Variants in CALCR observed in about 807,000 individuals in gnomAD.
CALCR encodes the protein calcitonin receptor.
A neutral mutation model predicts 59.5 loss-of-function variants in CALCR; 47 were observed. The ratio of observed to expected loss-of-function variants is 0.79; its 90% CI spans 0.63 to 1.01. The LOEUF (loss-of-function observed/expected upper bound fraction) is 1.01. Among genes scored for constraint, CALCR ranks in the 50% least tolerant of loss-of-function variants. The pLI is 0.00. For missense variants in CALCR, 566 were observed against 597.1 expected (o/e 0.95, Z 0.54); for synonymous variants, 213 against 211.3 (o/e 1.01, Z -0.07).
intron 2 of CALCR, among the ~76,000 whole-genome samples, chr7:93,524,563 T>C (rs993773197): frequency 1.3e-5 from 2 of 152,150 alleles, no homozygotes; most frequent in African/African-American, 4.8e-5. Context: ...ATTTTATTAT[T>C]AGCTTAATTT....
chr7:93,520,116 G>A (rs1801730878), intron 2 of CALCR, among the ~76,000 whole-genome samples: 1 of 151,872 alleles, frequency 6.6e-6, no homozygotes, highest in Admixed American at 6.6e-5. Context: ...AAATATCAGA[G>A]TTGCAAATAT....
chr7:93,515,273 G>T (rs1423679658), intron 2 of CALCR, among the ~76,000 whole-genome samples: 1 of 151,962 alleles, frequency 6.6e-6, no homozygotes, highest in Non-Finnish European at 1.5e-5. Flanking sequence ...CAGAAAATTT[G>T]TAGGAGTTCT....
intron 8 of CALCR, among the ~76,000 whole-genome samples, chr7:93,454,557 T>C (rs185092363): frequency 2.0e-5 from 3 of 151,874 alleles, no homozygotes; most frequent in Non-Finnish European, 4.4e-5. Context: ...GCAAGAACAA[T>C]GCTTTTAATT....
At chr7:93,498,538 CTT>C (rs928467071) in intron 2 of CALCR, among the ~76,000 whole-genome samples, 4 of 151,614 alleles carry the variant, frequency 2.6e-5, no homozygotes, top group African/African-American at 9.7e-5. Context: ...GATAGAAACT[CTT>C]TGATTCAAAT....
intron 2 of CALCR, among the ~76,000 whole-genome samples, chr7:93,570,574 G>A (rs1239805023): frequency 1.3e-5 from 2 of 152,122 alleles, no homozygotes; most frequent in Admixed American, 6.6e-5. Flanking sequence ...TAGATTATCT[G>A]TGTTATTCTG....
chr7:93,455,385 A>G (rs757708319), intron 8 of CALCR, among the ~76,000 whole-genome samples: 2 of 151,454 alleles, frequency 1.3e-5, no homozygotes, highest in Admixed American at 6.6e-5. Context: ...TCTTTCCCCA[A>G]ATTTTTTTTT....
At position 93,424,680 on chromosome 7, in the gene CALCR, C is replaced by A. The variant is rs1799486004; in HGVS notation, c.*1676G>T. On this transcript the variant is annotated 3_prime_UTR_variant, in exon 14 of 14. Transcript: ENST00000426151. ...CCCTACTATATTAGCATAATAACAT[C>A]TAAAATATTTTAGCAATATATTATC... 1 of 152,542 alleles carries A rather than the reference C, an allele frequency of 6.6e-6. No individual in the cohort carries two copies. The highest frequency in any genetic ancestry group is 2.4e-5 in the African/African-American group (1 of 41,428). 9.4% of individuals were successfully genotyped at this position (152,542 alleles called of 1,614,324 possible). A position where few individuals can be genotyped will look rare whatever the true frequency, so the allele number is the denominator to read the frequency against.
intron 2 of CALCR, among the ~76,000 whole-genome samples, chr7:93,504,980 G>A (rs1801396674): frequency 6.6e-6 from 1 of 152,102 alleles, no homozygotes; most frequent in South Asian, 2.1e-4. Flanking sequence ...AGTATAAGCA[G>A]TGGGGCCCCT....
At chr7:93,443,783 A>G in intron 8 of CALCR, 26 bp from the exon 9 acceptor site, 1 of 1,606,462 alleles carries the variant, frequency 6.2e-7, no homozygotes, top group Non-Finnish European at 8.5e-7. Flanking sequence ...GAAGATACTC[A>G]GAGAAAGACA....
intron 2 of CALCR, among the ~76,000 whole-genome samples, chr7:93,488,030 G>A (rs962419171): frequency 2.0e-5 from 3 of 151,606 alleles, no homozygotes; most frequent in Admixed American, 6.6e-5. Flanking sequence ...AACCTACAAA[G>A]CAAAGCCCTT....
At chr7:93,470,328 C>T (rs1203246202) in intron 6 of CALCR, among the ~76,000 whole-genome samples, 1 of 151,516 alleles carries the variant, frequency 6.6e-6, no homozygotes, top group Non-Finnish European at 1.5e-5. Context: ...GGCTATTTTT[C>T]TAACTTCACT....
At chr7:93,460,670 T>C (rs1800314100) in intron 8 of CALCR, 151 bp downstream of exon 8, 1 of 374,620 alleles carries the variant, frequency 2.7e-6, no homozygotes, top group East Asian at 4.9e-5. Context: ...ATAGAAATGA[T>C]ATGCCTCACA....
At chr7:93,550,861 A>C (rs1413340469) in intron 2 of CALCR, among the ~76,000 whole-genome samples, 1 of 152,162 alleles carries the variant, frequency 6.6e-6, no homozygotes, top group African/African-American at 2.4e-5. Context: ...GCTCCTAGCA[A>C]TCCAACACCA....
At chr7:93,508,547 CAG>C (rs1160113055) in intron 2 of CALCR, among the ~76,000 whole-genome samples, 1 of 152,058 alleles carries the variant, frequency 6.6e-6, no homozygotes, top group East Asian at 1.9e-4. Flanking sequence ...AGCAAATAAG[CAG>C]AGTTACAAAT....
At chr7:93,444,092 C>T (rs185377143) in intron 8 of CALCR, among the ~76,000 whole-genome samples, 2 of 152,238 alleles carry the variant, frequency 1.3e-5, no homozygotes, top group East Asian at 3.9e-4. Flanking sequence ...TGATGCATGA[C>T]TTTTATGGCC....
intron 9 of CALCR, among the ~76,000 whole-genome samples, chr7:93,439,581 T>C (rs1240986262): frequency 2.0e-5 from 3 of 152,060 alleles, no homozygotes; most frequent in African/African-American, 7.2e-5. Flanking sequence ...ATGCCTCCTT[T>C]TAGGTAGTTT....
At chr7:93,464,113 A>T (rs965871255) in intron 7 of CALCR, among the ~76,000 whole-genome samples, 2 of 152,020 alleles carry the variant, frequency 1.3e-5, no homozygotes, top group Admixed American at 1.3e-4. Context: ...TCTGGTGTAA[A>T]TCTTTCACAT....
intron 8 of CALCR, among the ~76,000 whole-genome samples, chr7:93,452,878 G>A (rs774653633): frequency 3.3e-5 from 5 of 151,890 alleles, no homozygotes; most frequent in Non-Finnish European, 7.4e-5. Context: ...GGGAATAAAA[G>A]TTAACCACTT....
At chr7:93,528,093 C>T (rs1158994669) in intron 2 of CALCR, among the ~76,000 whole-genome samples, 1 of 152,056 alleles carries the variant, frequency 6.6e-6, no homozygotes, top group African/African-American at 2.4e-5. Context: ...TGTTCTGATA[C>T]CTTTGATTAG....
Sources: allele counts gnomAD v4.1 joint callset (sites outside exome capture counted in the v4.1 genomes callset), GRCh38; gene constraint gnomAD v4.1.1; transcripts MANE v1.5; gene names NCBI Gene and HGNC (gene_info 2026-07-23, HGNC 2026-07-21).